The following ARHGAP19 variants were observed in gnomAD, a reference collection of about 807,000 sequenced individuals.
ARHGAP19 encodes the protein rho GTPase-activating protein 19.
In ARHGAP19, 48 loss-of-function variants were observed where a neutral mutation model predicts 60.9. The ratio of observed to expected loss-of-function variants is 0.79; its 90% CI spans 0.62 to 1.00. The LOEUF (loss-of-function observed/expected upper bound fraction) is 1.00. ARHGAP19 is among the 50% of genes least tolerant of loss of function. The pLI, the probability that ARHGAP19 is intolerant of heterozygous loss-of-function variation, is 0.00. For missense variants in ARHGAP19, 562 were observed against 597.2 expected (o/e 0.94, Z 0.61); for synonymous variants, 209 against 215.5 (o/e 0.97, Z 0.27).
At chr10:97,259,278 T>C in intron 5 of ARHGAP19, 124 bp downstream of exon 5, 1 of 768,362 alleles carries the variant, frequency 1.3e-6, no homozygotes, top group Non-Finnish European at 2.2e-6. Context: ...ATAAAGTAAG[T>C]TCCCAACCTC....
intron 1 of ARHGAP19, chr10:97,277,823 A>G (rs534570497): frequency 3.3e-5 from 5 of 152,378 alleles, no homozygotes; most frequent in African/African-American, 1.2e-4. Flanking sequence ...TTTCACACTC[A>G]GTGAATCTGA....
At chr10:97,260,495 A>G (rs1842816492) in intron 4 of ARHGAP19, among the ~76,000 whole-genome samples, 1 of 151,934 alleles carries the variant, frequency 6.6e-6, no homozygotes, top group African/African-American at 2.4e-5. Flanking sequence ...ATGCCCCTGC[A>G]CTCCAGCCTG....
At chr10:97,291,999 G>A (rs1382337970) in intron 1 of ARHGAP19, among the ~76,000 whole-genome samples, 2 of 152,276 alleles carry the variant, frequency 1.3e-5, no homozygotes, top group Admixed American at 1.3e-4. Flanking sequence ...CTATTGCGTA[G>A]AGTTGTCATT....
chr10:97,261,571 T>A (rs921297042), intron 4 of ARHGAP19, among the ~76,000 whole-genome samples: 2 of 152,172 alleles, frequency 1.3e-5, no homozygotes, highest in African/African-American at 4.8e-5. Context: ...CCAAAATAAC[T>A]GTAAAATTGT....
At chr10:97,282,996 C>A (rs1257909205) in intron 1 of ARHGAP19, among the ~76,000 whole-genome samples, 1 of 151,638 alleles carries the variant, frequency 6.6e-6, no homozygotes, top group African/African-American at 2.4e-5. Flanking sequence ...GCGTCTGCCA[C>A]CACGCCTGGC....
At chr10:97,236,284 CCTTTTCTAACTAT>C (rs1332363463) in intron 8 of ARHGAP19, among the ~76,000 whole-genome samples, 1 of 152,064 alleles carries the variant, frequency 6.6e-6, no homozygotes. Context: ...GCCTCTTCTG[CCTTTTCTAACTAT>C]ACTTTTAAAA....
chr10:97,291,379 G>A (rs889355284), intron 1 of ARHGAP19, among the ~76,000 whole-genome samples: 7 of 152,148 alleles, frequency 4.6e-5, no homozygotes, highest in Admixed American at 3.9e-4. Context: ...GGAATGCAAT[G>A]GCGCATCTGG....
At chr10:97,284,888 G>A (rs1843133731) in intron 1 of ARHGAP19, among the ~76,000 whole-genome samples, 1 of 134,730 alleles carries the variant, frequency 7.4e-6, no homozygotes, top group Admixed American at 7.9e-5. Context: ...CTGTGAGACT[G>A]AGTCTCGCTG....
At chr10:97,250,065 T>C (rs1273038195) in intron 6 of ARHGAP19, among the ~76,000 whole-genome samples, 1 of 152,112 alleles carries the variant, frequency 6.6e-6, no homozygotes, top group Non-Finnish European at 1.5e-5. Flanking sequence ...ATTACAGGCG[T>C]GAGCCACCGC....
intron 8 of ARHGAP19, among the ~76,000 whole-genome samples, chr10:97,241,731 C>T (rs972406963): frequency 6.7e-6 from 1 of 150,110 alleles, no homozygotes; most frequent in Non-Finnish European, 1.5e-5. Flanking sequence ...AAAAATAGGC[C>T]GGGTGCAGTG....
chr10:97,283,543 G>A (rs1169246537), intron 1 of ARHGAP19, among the ~76,000 whole-genome samples: 1 of 150,906 alleles, frequency 6.6e-6, no homozygotes, highest in Admixed American at 6.6e-5. Flanking sequence ...AACAGAGTGA[G>A]ACTCTGTCTC....
At chr10:97,233,278 G>A (rs1851059755) in intron 9 of ARHGAP19, among the ~76,000 whole-genome samples, 1 of 151,906 alleles carries the variant, frequency 6.6e-6, no homozygotes. Context: ...GAGCGCCCAG[G>A]AGATCAAGGC....
intron 8 of ARHGAP19, among the ~76,000 whole-genome samples, chr10:97,239,927 G>A (rs533449463): frequency 1.1e-3 from 168 of 151,744 alleles, no homozygotes; most frequent in African/African-American, 3.8e-3. Flanking sequence ...GGCTCGTCTC[G>A]AACTCCCGAC....
At chr10:97,278,811 TAA>T (rs57887786) in intron 1 of ARHGAP19, among the ~76,000 whole-genome samples, 96 of 148,686 alleles carry the variant, frequency 6.5e-4, no homozygotes, top group Admixed American at 5.4e-4. Context: ...TCAAGGCAGT[TAA>T]AAAAAAAAAA....
At chr10:97,251,356 AAAGGGGAAAGG>A (rs1423008225) in intron 6 of ARHGAP19, among the ~76,000 whole-genome samples, 15 of 20,324 alleles carry the variant, frequency 7.4e-4, no homozygotes, top group East Asian at 1.8e-3. Context: ...GAGGGAAAGG[AAAGGGGAAAGG>A]AAGGGGAATG....
intron 1 of ARHGAP19, among the ~76,000 whole-genome samples, chr10:97,288,283 G>C (rs575322922): frequency 1.3e-5 from 2 of 151,976 alleles, no homozygotes; most frequent in African/African-American, 4.8e-5. Flanking sequence ...CAGAACGTTA[G>C]AAAGATTAAT....
intron 9 of ARHGAP19, 109 bp downstream of exon 9, chr10:97,235,108 C>CCTTT: frequency 9.9e-7 from 1 of 1,007,312 alleles, no homozygotes; most frequent in Admixed American, 2.2e-5. Context: ...ATAAACTAGC[C>CCTTT]CTTTATAGGG....
chr10:97,274,636 G>A (rs182059799), intron 1 of ARHGAP19, among the ~76,000 whole-genome samples: 2 of 152,182 alleles, frequency 1.3e-5, no homozygotes, highest in East Asian at 3.9e-4. Flanking sequence ...ATGTATAATT[G>A]ACGTTTCATG....
chr10:97,290,259 C>T (rs1843213904), intron 1 of ARHGAP19, among the ~76,000 whole-genome samples: 1 of 140,034 alleles, frequency 7.1e-6, no homozygotes, highest in Non-Finnish European at 1.7e-5. Flanking sequence ...AGACCCGCCG[C>T]TGACTCCCAT....
Sources: gnomAD v4.1 joint callset for allele counts (sites outside exome capture counted in the v4.1 genomes callset) on GRCh38, gnomAD v4.1.1 for gene constraint, MANE v1.5 for transcripts, NCBI Gene and HGNC (gene_info 2026-07-23, HGNC 2026-07-21) for gene names.